The following KIAA1671 variants were observed in gnomAD, a reference collection of about 807,000 sequenced individuals.
KIAA1671 encodes uncharacterized protein KIAA1671.
KIAA1671 carries 52 observed loss-of-function variants against 131.2 expected under a neutral mutation model. The ratio of observed to expected loss-of-function variants is 0.40; its 90% CI spans 0.32 to 0.50. The LOEUF (loss-of-function observed/expected upper bound fraction) is 0.50, where lower values mean the gene tolerates loss of function less well. Ranked by LOEUF, KIAA1671 falls within the 20% of genes least tolerant of loss-of-function variation. The pLI, the probability that KIAA1671 is intolerant of heterozygous loss-of-function variation, is 0.73. For missense variants in KIAA1671, 2,360 were observed against 2,364.2 expected, an observed-to-expected ratio of 1.00 and a Z score of 0.04; for synonymous variants, 1,003 against 961.6, an observed-to-expected ratio of 1.04 and a Z score of -0.80.
Position 24,980,275 on chromosome 22 carries a change from T to TTC in KIAA1671, c.-208+27504_-208+27505insCT, listed in dbSNP as rs1380201450. 3.4e-3 allele frequency among the ~76,000 whole-genome samples: 516 copies of TTC among 150,546 alleles called. 1 individual carries two copies. The highest frequency in any genetic ancestry group is 0.012 in the African/African-American group (495 of 40,706). On this transcript the variant is annotated intron_variant, in intron 1 of 12. Coordinates refer to ENST00000358431, the MANE Select transcript of KIAA1671 (RefSeq NM_001145206.2). ...CCCTACGTTCAGTTTCTTTGATTTT[T>TTC]TTTTTTTTTTTTTTGAGACGGCGTC...
At chr22:25,062,144 C>T (rs9612848) in intron 6 of KIAA1671, 33,409 of 152,198 alleles carry the variant, frequency 0.22, 5,016 homozygotes, top group African/African-American at 0.43. Flanking sequence ...ACCTCAGCCT[C>T]GTGAAGTGCT....
In KIAA1671 at chr22:25,188,001, T is replaced by C. The variant is rs79998745; in HGVS notation, c.5343-2701T>C. On this transcript the variant is annotated intron_variant, in intron 11 of 12. Coordinates refer to ENST00000358431, the MANE Select transcript of KIAA1671 (RefSeq NM_001145206.2). ...GTACCTTTCTGTATGTGTTCTTCCA[T>C]TTAAAAACGTTTGAACAGGCTGGGC... Among the ~76,000 whole-genome samples, 476 of 152,292 alleles carry C rather than the reference T, an allele frequency of 3.1e-3. 4 individuals are homozygous for C. Among genetic ancestry groups the C allele is most frequent in the African/African-American group, 0.011 (445 of 41,566 alleles).
At chr22:24,995,340 C>CCATGCCCACCCCCAGTCTCTTTCAATGA (rs1924072142) in intron 1 of KIAA1671, among the ~76,000 whole-genome samples, 1 of 148,944 alleles carries the variant, frequency 6.7e-6, no homozygotes, top group African/African-American at 2.5e-5. Flanking sequence ...GCGTGAGCCA[C>CCATGCCCACCCCCAGTCTCTTTCAATGA]TGCGCCCGGC....
chr22:24,994,412 C>T (rs1924001229), intron 1 of KIAA1671, among the ~76,000 whole-genome samples: 1 of 152,142 alleles, frequency 6.6e-6, no homozygotes, highest in Non-Finnish European at 1.5e-5. Flanking sequence ...CTGGGGACCT[C>T]TGGGAGCCTA....
intron 6 of KIAA1671, chr22:25,059,069 T>TTCTTA (rs1928008997): frequency 6.6e-6 from 1 of 152,278 alleles, no homozygotes; most frequent in Non-Finnish European, 1.5e-5. Context: ...GTTTGCTGAC[T>TTCTTA]TCTTATCCCT....
At position 25,196,875 on chromosome 22, in the gene KIAA1671, TCATG is replaced by T. The variant is rs1934845250; in HGVS notation, c.*4477_*4480del. 1 of 152,092 alleles carries T rather than the reference TCATG, an allele frequency of 6.6e-6. No homozygotes were observed. Among genetic ancestry groups the T allele is most frequent in the African/African-American group, 2.4e-5 (1 of 41,380 alleles). The allele number at this position is 152,092 out of a possible 1,614,324, so 9.4% of individuals were successfully genotyped here. A position where few individuals can be genotyped will look rare whatever the true frequency, so the allele number is the denominator to read the frequency against. Reference sequence around the variant, plus strand: ...CCTAAATCATACCAATATCCTAAAGTCATGCACTTCCCAGATGATCGTGATCCTC... The same window carrying T: ...CCTAAATCATACCAATATCCTAAAGTCACTTCCCAGATGATCGTGATCCTC... On this transcript the variant is annotated 3_prime_UTR_variant, in exon 13 of 13. Transcript: ENST00000358431.
intron 1 of KIAA1671, among the ~76,000 whole-genome samples, chr22:25,009,250 CCA>C (rs1294024069): frequency 6.9e-6 from 1 of 144,988 alleles, no homozygotes; most frequent in Non-Finnish European, 1.5e-5. Flanking sequence ...TCTCCCTTCC[CCA>C]CTTTTTTTTT....
chr22:25,002,465 T>C (rs1924527686), intron 1 of KIAA1671, among the ~76,000 whole-genome samples: 1 of 152,154 alleles, frequency 6.6e-6, no homozygotes, highest in Non-Finnish European at 1.5e-5. Flanking sequence ...GGGGTGTTGA[T>C]ACATCAACTT....
Position 25,041,289 on chromosome 22 carries a change from A to G in KIAA1671, c.4159A>G (p.Ser1387Gly). Residue 1387 changes from serine (S) to glycine (G), a missense_variant, in exon 5 of 13, where the codon AGT becomes GGT. This residue lies in a region of KIAA1671 where 1,161 missense variants were observed against 1,204.7 expected (regional missense o/e 0.96). Coordinates refer to ENST00000358431, the MANE Select transcript of KIAA1671 (RefSeq NM_001145206.2). ...RKSTGRGEED[S>G]VAQWGDHPRD... ...ATCCACCGGGCGGGGAGAGGAGGAC[A>G]GTGTGGCCCAGTGGGGTGACCACCC... 6.4e-7 allele frequency: 1 copy of G among 1,551,716 alleles called. No individual in the cohort carries two copies. The highest frequency in any genetic ancestry group is 1.2e-5 in the South Asian group (1 of 84,054).
chr22:25,031,466 G>C (rs1926288723), intron 3 of KIAA1671, among the ~76,000 whole-genome samples: 1 of 152,206 alleles, frequency 6.6e-6, no homozygotes, highest in South Asian at 2.1e-4. Context: ...AAAGTGCTGG[G>C]ATTACAGGCG....
intron 6 of KIAA1671, among the ~76,000 whole-genome samples, chr22:25,110,491 G>C (rs1311016705): frequency 6.6e-6 from 1 of 152,148 alleles, no homozygotes; most frequent in African/African-American, 2.4e-5. Context: ...GTGTGACCTT[G>C]GGCAAGTGAA....
In KIAA1671 at chr22:25,040,409, G is replaced by A; in HGVS notation, c.3279G>A (p.Glu1093=). The A allele has an allele frequency of 1.9e-6, 3 of 1,552,006 alleles. No homozygotes were observed. Among genetic ancestry groups the A allele is most frequent in the Non-Finnish European group, 2.6e-6 (3 of 1,147,052 alleles). Residue 1093 remains glutamate, a synonymous_variant, in exon 5 of 13, where the codon GAG becomes GAA. Coordinates refer to ENST00000358431, the MANE Select transcript of KIAA1671 (RefSeq NM_001145206.2). ...GTAAAAACTGGATGAAGGGACGAGA[G>A]CATGAAAATGCAAGCATTTTAAAAA... ...AGSKNWMKGR[E]HENASILKTL... is the part of the protein sequence containing the mutation.
intron 6 of KIAA1671, among the ~76,000 whole-genome samples, chr22:25,142,642 C>T (rs935430796): frequency 7.9e-5 from 12 of 152,150 alleles, no homozygotes; most frequent in African/African-American, 2.4e-4. Context: ...GAGGCCGAGG[C>T]GGGTGGGTCA....
chr22:25,174,762 A>G (rs993075797), intron 8 of KIAA1671: 4 of 350,616 alleles, frequency 1.1e-5, no homozygotes, highest in Non-Finnish European at 2.1e-5. Context: ...ATACAATTGC[A>G]TGCATTCAAA....
intron 1 of KIAA1671, chr22:25,012,150 C>T (rs1205025066): frequency 1.3e-5 from 2 of 152,052 alleles, no homozygotes; most frequent in African/African-American, 4.8e-5. Flanking sequence ...ATATCATGTT[C>T]TTTCCACTTT....
chr22:25,117,585 C>CCACCCACACACACA (rs1931731177), intron 6 of KIAA1671, among the ~76,000 whole-genome samples: 1 of 123,836 alleles, frequency 8.1e-6, no homozygotes, highest in Non-Finnish European at 1.6e-5. Context: ...TCTCCCCCAA[C>CCACCCACACACACA]CACACACACA....
chr22:25,099,061 A>G (rs1354216854), intron 6 of KIAA1671, among the ~76,000 whole-genome samples: 2 of 152,186 alleles, frequency 1.3e-5, no homozygotes, highest in Non-Finnish European at 2.9e-5. Context: ...GCGTGGTACC[A>G]CTGTTGCCTT....
chr22:25,176,287 T>C (rs1198351044), intron 8 of KIAA1671: 1 of 152,236 alleles, frequency 6.6e-6, no homozygotes, highest in Non-Finnish European at 1.5e-5. Flanking sequence ...CATTGGGACT[T>C]TTGTTACTTA....
chr22:25,149,985 C>T (rs768187013), intron 6 of KIAA1671, among the ~76,000 whole-genome samples: 2 of 152,302 alleles, frequency 1.3e-5, no homozygotes, highest in Middle Eastern at 3.4e-3. Context: ...TCGGCCTTTG[C>T]GCTTCCCGTG....
Sources: allele counts gnomAD v4.1 joint callset (sites outside exome capture counted in the v4.1 genomes callset), GRCh38; gene constraint gnomAD v4.1.1; regional missense constraint gnomAD v4.1.1; transcripts MANE v1.5; gene names NCBI Gene and HGNC (gene_info 2026-07-23, HGNC 2026-07-21).